The following ADAM12 variants were observed in gnomAD, a reference collection of about 807,000 sequenced individuals.
ADAM12 encodes the protein disintegrin and metalloproteinase domain-containing protein 12.
ADAM12 carries 70 observed loss-of-function variants against 106.4 expected under a neutral mutation model. That is an observed-to-expected ratio of 0.66 (90% CI 0.54 to 0.80). ADAM12 has a LOEUF of 0.80. Among genes scored for constraint, ADAM12 ranks in the 30% least tolerant of loss-of-function variants. The probability of loss-of-function intolerance (pLI) is 0.00; values close to 1 mark genes in which losing one functional copy is unlikely to be tolerated. For missense variants in ADAM12, 1,010 were observed against 1,171.9 expected (o/e 0.86, Z 2.02); for synonymous variants, 420 against 433.5 (o/e 0.97, Z 0.39).
chr10:126,201,828 GA>G (rs1281461828), intron 3 of ADAM12, among the ~76,000 whole-genome samples: 1 of 152,200 alleles, frequency 6.6e-6, no homozygotes, highest in African/African-American at 2.4e-5. Context: ...TAGAAAGAAA[GA>G]CCAGGCAGAA....
At chr10:126,266,030 C>T (rs1470449204) in intron 3 of ADAM12, among the ~76,000 whole-genome samples, 5 of 152,100 alleles carry the variant, frequency 3.3e-5, no homozygotes, top group South Asian at 4.1e-4. Flanking sequence ...GGTGAAATGA[C>T]GTGATGTCTG....
rs1184557802 is a variant in ADAM12 at position 126,064,432 on chromosome 10, G to T, written c.1609+374C>A. 6.6e-6 allele frequency among the ~76,000 whole-genome samples: 1 copy of T among 152,166 alleles called. No individual in the cohort carries two copies. Among genetic ancestry groups the T allele is most frequent in the Non-Finnish European group, 1.5e-5 (1 of 68,024 alleles). ...ATGCTATCTGAGGGCAGGAGTCATG[G>T]TGGATTCATCCCTGCCATCCCTCGG... On this transcript the variant is annotated intron_variant, in intron 14 of 22. Coordinates refer to ENST00000448723, the MANE Select transcript of ADAM12 (RefSeq NM_001288973.2). This position sits in a 1 kb window ranked among gnomAD's most constrained non-coding sequence, Gnocchi z 4.4.
intron 3 of ADAM12, among the ~76,000 whole-genome samples, chr10:126,174,504 C>G (rs936644687): frequency 1.3e-5 from 2 of 151,964 alleles, no homozygotes; most frequent in African/African-American, 4.8e-5. Flanking sequence ...GTCCATTTTC[C>G]CTATATTTTT....
chr10:126,151,396 A>G (rs2133713578), intron 4 of ADAM12, among the ~76,000 whole-genome samples: 1 of 152,328 alleles, frequency 6.6e-6, no homozygotes, highest in Non-Finnish European at 1.5e-5. Flanking sequence ...GAAGATATTA[A>G]TGGATTAAAT....
chr10:126,179,294 T>C (rs372156610), intron 3 of ADAM12, among the ~76,000 whole-genome samples: 9 of 152,326 alleles, frequency 5.9e-5, no homozygotes, highest in African/African-American at 2.2e-4. Flanking sequence ...GTAACTGTGC[T>C]TTCAGTCTGT....
intron 3 of ADAM12, among the ~76,000 whole-genome samples, chr10:126,214,491 C>T (rs1230651502): frequency 2.0e-5 from 3 of 152,096 alleles, no homozygotes; most frequent in East Asian, 1.9e-4. Flanking sequence ...AGAACACAGC[C>T]GTGTTAATAT....
chr10:126,117,935 C>T (rs1956016557), intron 6 of ADAM12, 103 bp downstream of exon 6: 12 of 1,325,178 alleles, frequency 9.1e-6, no homozygotes, highest in African/African-American at 2.9e-5. Context: ...CCCCAGATGC[C>T]GCATCATCTA....
At chr10:126,114,447 G>A (rs909212327) in intron 6 of ADAM12, among the ~76,000 whole-genome samples, 1 of 152,122 alleles carries the variant, frequency 6.6e-6, no homozygotes, top group African/African-American at 2.4e-5. Context: ...CCAAGGAAGT[G>A]GTGCTGCCCC....
intron 1 of ADAM12, among the ~76,000 whole-genome samples, chr10:126,375,873 C>T (rs1401794320): frequency 1.3e-5 from 2 of 151,128 alleles, no homozygotes; most frequent in Non-Finnish European, 2.9e-5. Context: ...AGCCTCCCTG[C>T]GTAGCTGGGA....
chr10:126,282,144 C>G (rs1959614563), intron 2 of ADAM12, among the ~76,000 whole-genome samples: 1 of 152,168 alleles, frequency 6.6e-6, no homozygotes, highest in Admixed American at 6.5e-5. Flanking sequence ...CTTTCCTTGG[C>G]TTTGAGACAG....
At chr10:126,042,918 C>G in intron 18 of ADAM12, 122 bp downstream of exon 18, 1 of 893,198 alleles carries the variant, frequency 1.1e-6, no homozygotes, top group Non-Finnish European at 1.7e-6. Flanking sequence ...GCTGTGTAGA[C>G]CCATGTGGGG....
At chr10:126,256,629 CAGG>C (rs1326260160) in intron 3 of ADAM12, among the ~76,000 whole-genome samples, 87 of 152,232 alleles carry the variant, frequency 5.7e-4, no homozygotes, top group African/African-American at 2.0e-3. Flanking sequence ...TCTACAAATC[CAGG>C]AGTCTACTTC....
chr10:126,074,598 A>C (rs1301275598), intron 11 of ADAM12, among the ~76,000 whole-genome samples: 1 of 152,192 alleles, frequency 6.6e-6, no homozygotes, highest in Non-Finnish European at 1.5e-5. Context: ...TCTGTGTAAT[A>C]ATCTATTTCT....
intron 11 of ADAM12, among the ~76,000 whole-genome samples, chr10:126,086,143 G>T (rs959751224): frequency 2.6e-5 from 4 of 152,062 alleles, no homozygotes; most frequent in Non-Finnish European, 2.9e-5. Flanking sequence ...ATTGAAGGAG[G>T]TTTGCAGAAT....
chr10:126,351,806 G>A (rs1049605483), intron 1 of ADAM12, among the ~76,000 whole-genome samples: 19 of 152,138 alleles, frequency 1.2e-4, no homozygotes, highest in African/African-American at 4.3e-4. Flanking sequence ...AGTGCTGAGT[G>A]CCCAAAGACT....
chr10:126,381,331 G>C (rs1856482718), intron 1 of ADAM12, among the ~76,000 whole-genome samples: 1 of 151,988 alleles, frequency 6.6e-6, no homozygotes. Flanking sequence ...CTGCCATAAG[G>C]GAATAATTGT....
chr10:126,344,785 A>T (rs561926113), intron 1 of ADAM12, among the ~76,000 whole-genome samples: 1 of 152,214 alleles, frequency 6.6e-6, no homozygotes, highest in East Asian at 1.9e-4. Context: ...CTTTGAAGCA[A>T]TTGTGAATGG....
intron 3 of ADAM12, among the ~76,000 whole-genome samples, chr10:126,178,406 A>ACCTT (rs1554982133): frequency 2.5e-5 from 3 of 120,866 alleles, no homozygotes; most frequent in African/African-American, 7.2e-5. Context: ...ATTGGAGGAC[A>ACCTT]TCTTTTTTTT....
At chr10:126,160,989 T>C (rs1676734) in intron 3 of ADAM12, among the ~76,000 whole-genome samples, 84,313 of 152,096 alleles carry the variant, frequency 0.55, 24,318 homozygotes, top group East Asian at 0.75. Context: ...GTGTTGTCTC[T>C]CCAGAGGGTC....
Sources: gnomAD v4.1 joint callset for allele counts (sites outside exome capture counted in the v4.1 genomes callset) on GRCh38, gnomAD v4.1.1 for gene constraint, Gnocchi (gnomAD v3.1) non-coding constraint, MANE v1.5 for transcripts, NCBI Gene and HGNC (gene_info 2026-07-23, HGNC 2026-07-21) for gene names.